The following FAM47E variants were observed in gnomAD, a reference collection of about 807,000 sequenced individuals.
FAM47E encodes family with sequence similarity 47 member E, also known as protein FAM47E.
In FAM47E, 32 loss-of-function variants were observed where a neutral mutation model predicts 41.6. The ratio of observed to expected loss-of-function variants is 0.77; its 90% CI spans 0.58 to 1.03. The LOEUF (loss-of-function observed/expected upper bound fraction) is 1.03. Ranked by LOEUF, FAM47E falls within the 50% of genes least tolerant of loss-of-function variation. FAM47E has a pLI of 0.00. For synonymous variants in FAM47E, 184 were observed against 188.7 expected, an observed-to-expected ratio of 0.98 and a Z score of 0.20; for missense variants, 424 against 485.4, an observed-to-expected ratio of 0.87 and a Z score of 1.19.
At chr4:76,235,243 G>A (rs1487262529) in intron 2 of FAM47E, among the ~76,000 whole-genome samples, 1 of 152,146 alleles carries the variant, frequency 6.6e-6, no homozygotes, top group Admixed American at 6.5e-5. Flanking sequence ...GCGTGACCCC[G>A]GGAGGCGGAG....
At chr4:76,272,115 G>A (rs1047200767) in intron 5 of FAM47E, among the ~76,000 whole-genome samples, 13 of 152,174 alleles carry the variant, frequency 8.5e-5, no homozygotes, top group African/African-American at 2.4e-4. Flanking sequence ...TATGAATGCT[G>A]TTAATATTAT....
At chr4:76,240,350 T>G (rs1438530953) in intron 2 of FAM47E, among the ~76,000 whole-genome samples, 2 of 152,214 alleles carry the variant, frequency 1.3e-5, no homozygotes, top group Non-Finnish European at 2.9e-5. Context: ...TTTTAATAGT[T>G]TGATGGTAAT....
intron 2 of FAM47E, among the ~76,000 whole-genome samples, chr4:76,226,654 A>G (rs1337241141): frequency 1.3e-5 from 2 of 152,178 alleles, no homozygotes; most frequent in African/African-American, 4.8e-5. Context: ...TATGTCAGAC[A>G]AACAAGCCCT....
intron 2 of FAM47E, 91 bp from the exon 3 acceptor site, chr4:76,263,606 GGAAAAGT>G (rs1259008831): frequency 6.9e-7 from 1 of 1,445,662 alleles, no homozygotes; most frequent in Non-Finnish European, 9.2e-7. Flanking sequence ...GGACTGAAAA[GGAAAAGT>G]GAAGGGCAAG....
chr4:76,263,561 A>C (rs1422513964), intron 2 of FAM47E, 143 bp from the exon 3 acceptor site: 2 of 943,048 alleles, frequency 2.1e-6, no homozygotes, highest in Non-Finnish European at 3.1e-6. Context: ...CACCCAGCAT[A>C]ATACTTGGCA....
chr4:76,240,304 T>G (rs1578760684), intron 2 of FAM47E, among the ~76,000 whole-genome samples: 1 of 152,324 alleles, frequency 6.6e-6, no homozygotes, highest in Admixed American at 6.5e-5. Flanking sequence ...GATGATCACT[T>G]CTCTCTTGCG....
At chr4:76,268,495 A>G (rs1370714151) in intron 3 of FAM47E, 165 bp from the exon 4 acceptor site, 7 of 622,250 alleles carry the variant, frequency 1.1e-5, no homozygotes, top group African/African-American at 1.9e-5. Context: ...GATATTCGTA[A>G]TGAGAATGTG....
chr4:76,246,423 A>G (rs944415028), intron 2 of FAM47E, among the ~76,000 whole-genome samples: 15 of 152,118 alleles, frequency 9.9e-5, no homozygotes, highest in Non-Finnish European at 2.1e-4. Context: ...TTTAGGGGAA[A>G]GTCTGCAGAC....
At chr4:76,280,530 C>T (rs1735301650) in intron 7 of FAM47E, 189 bp downstream of exon 7, 1 of 483,308 alleles carries the variant, frequency 2.1e-6, no homozygotes, top group Non-Finnish European at 3.7e-6. Context: ...GCATTTTGCC[C>T]TTTTTATTCT....
chr4:76,268,921 A>G, intron 4 of FAM47E, 153 bp downstream of exon 4: 1 of 935,690 alleles, frequency 1.1e-6, no homozygotes, highest in South Asian at 2.0e-5. Context: ...AAAGTCGTAA[A>G]GGAATCATTT....
At chr4:76,272,033 G>A (rs1315972711) in intron 5 of FAM47E, among the ~76,000 whole-genome samples, 5 of 152,056 alleles carry the variant, frequency 3.3e-5, no homozygotes, top group Non-Finnish European at 5.9e-5. Context: ...TTTATATGTT[G>A]GAATACTAAA....
chr4:76,273,809 A>G (rs1210009387), intron 5 of FAM47E, among the ~76,000 whole-genome samples: 2 of 150,714 alleles, frequency 1.3e-5, no homozygotes, highest in African/African-American at 4.9e-5. Context: ...AGCTTTTTAA[A>G]TTCTCTTTTC....
Position 76,245,913 on chromosome 4 carries a change from T to G in FAM47E, c.82-17791T>G, listed in dbSNP as rs1203576594. ...CCTGAGGGCAGGAACCTTGTCAATT[T>G]TATCTGTAATCCCCTATCTGCCATC... On this transcript the variant is annotated intron_variant, in intron 2 of 7. Coordinates refer to the FAM47E transcript ENST00000510197. Among the ~76,000 whole-genome samples, 14 of 152,132 alleles carry G rather than the reference T, an allele frequency of 9.2e-5. 1 individual carries two copies.
chr4:76,220,666 ACTT>A (rs1733291989), intron 2 of FAM47E, among the ~76,000 whole-genome samples: 1 of 152,188 alleles, frequency 6.6e-6, no homozygotes, highest in African/African-American at 2.4e-5. Flanking sequence ...TACAGTGCAG[ACTT>A]CTTTTCTTTT....
chr4:76,249,352 TAA>T (rs1733901566), upstream of FAM47E, among the ~76,000 whole-genome samples: 1 of 152,188 alleles, frequency 6.6e-6, no homozygotes, highest in South Asian at 2.1e-4. Flanking sequence ...TTTGTTTATT[TAA>T]GAGTGATAAT....
intron 2 of FAM47E, among the ~76,000 whole-genome samples, chr4:76,236,897 CTTTT>C (rs770275863): frequency 5.1e-5 from 7 of 136,352 alleles, no homozygotes; most frequent in Admixed American, 1.5e-4. Context: ...TCTTTTCTTT[CTTTT>C]TTTTTTTTTT....
chr4:76,226,816 A>G (rs4101061), intron 2 of FAM47E, among the ~76,000 whole-genome samples: 48,565 of 152,072 alleles, frequency 0.32, 8,633 homozygotes, highest in East Asian at 0.77. Context: ...TGAATAAAAG[A>G]TGTTCATAGT....
exon 1 of FAM47E, chr4:76,214,181 C>T (rs1369865542): frequency 6.6e-5 from 30 of 453,222 alleles, no homozygotes; most frequent in South Asian, 1.4e-4. Flanking sequence ...GGGACATTCC[C>T]CTGCTCTAGA....
chr4:76,246,494 T>A (rs1733828996), intron 2 of FAM47E, among the ~76,000 whole-genome samples: 1 of 152,088 alleles, frequency 6.6e-6, no homozygotes, highest in Non-Finnish European at 1.5e-5. Flanking sequence ...GGGTAGAGAT[T>A]TCTCTAGGAT....
Sources: gnomAD v4.1 joint callset for allele counts (sites outside exome capture counted in the v4.1 genomes callset) on GRCh38, gnomAD v4.1.1 for gene constraint, MANE v1.5 for transcripts, NCBI Gene and HGNC (gene_info 2026-07-23, HGNC 2026-07-21) for gene names.